Variants in SYN3 observed in about 807,000 individuals in gnomAD.
SYN3 encodes the protein synapsin-3.
Under a neutral mutation model 65.8 loss-of-function variants are expected in SYN3, and 35 were observed. The observed-to-expected ratio is 0.53, with a 90% CI of 0.41 to 0.70. SYN3 has a LOEUF of 0.70. SYN3 is among the 30% of genes least tolerant of loss of function. The pLI is 0.00. For synonymous variants in SYN3, 270 were observed against 292.9 expected, an observed-to-expected ratio of 0.92 and a Z score of 0.80; for missense variants, 680 against 749.0, an observed-to-expected ratio of 0.91 and a Z score of 1.08.
At chr22:32,679,400 T>C (rs1427298910) in intron 6 of SYN3, among the ~76,000 whole-genome samples, 51 of 152,172 alleles carry the variant, frequency 3.4e-4, no homozygotes, top group Admixed American at 3.3e-3. Flanking sequence ...TTGTGTTGCT[T>C]CCATATTTTG....
At chr22:32,810,230 C>A (rs1373203257) in intron 6 of SYN3, among the ~76,000 whole-genome samples, 2 of 152,172 alleles carry the variant, frequency 1.3e-5, no homozygotes, top group Non-Finnish European at 2.9e-5. Context: ...AGAGGGGCCC[C>A]AGAGAACCTT....
intron 7 of SYN3, among the ~76,000 whole-genome samples, chr22:32,572,408 TG>T (rs1190998624): frequency 0.23 from 2,076 of 8,920 alleles, 181 homozygotes; most frequent in African/African-American, 0.42. Flanking sequence ...CCCTCCCTCC[TG>T]TCTTTCCTTC....
At chr22:32,984,077 G>A (rs750119127) in intron 2 of SYN3, among the ~76,000 whole-genome samples, 1 of 148,780 alleles carries the variant, frequency 6.7e-6, no homozygotes, top group Non-Finnish European at 1.5e-5. Flanking sequence ...CAGGAGAATC[G>A]CTTGAACCTG....
intron 7 of SYN3, among the ~76,000 whole-genome samples, chr22:32,590,551 T>TAA (rs2059114156): frequency 6.6e-6 from 1 of 152,248 alleles, no homozygotes; most frequent in East Asian, 1.9e-4. Context: ...CTAAAATAAC[T>TAA]CCTGTGCGAT....
rs2049408988 is a variant in SYN3 at position 32,890,299 on chromosome 22, T to C, written c.462-21174A>G. On this transcript the variant is annotated intron_variant, in intron 4 of 13. Transcript: ENST00000358763. ...CATGCTGCCCAGGCTGGTCTCAAAC[T>C]CCTGGGCTCAAGCAGTCCTCCCACC... Among the ~76,000 whole-genome samples the C allele has an allele frequency of 1.3e-5, 2 of 152,100 alleles. 1 individual carries two copies. The highest frequency in any genetic ancestry group is 4.2e-4 in the South Asian group (2 of 4,818).
chr22:32,524,247 C>T (rs552489447), intron 12 of SYN3, among the ~76,000 whole-genome samples: 1 of 152,268 alleles, frequency 6.6e-6, no homozygotes, highest in South Asian at 2.1e-4. Context: ...GTAGATGGAA[C>T]AGCCTTCTAT....
At chr22:32,767,913 A>T (rs1253676699) in intron 6 of SYN3, among the ~76,000 whole-genome samples, 2 of 152,188 alleles carry the variant, frequency 1.3e-5, no homozygotes, top group African/African-American at 4.8e-5. Flanking sequence ...AAATTTACCT[A>T]GACTCAATTG....
At chr22:32,702,894 C>CTA (rs1199908357) in intron 6 of SYN3, among the ~76,000 whole-genome samples, 3 of 152,120 alleles carry the variant, frequency 2.0e-5, no homozygotes, top group Non-Finnish European at 2.9e-5. Flanking sequence ...AGAATAATAA[C>CTA]AGTAAAAATT....
intron 1 of SYN3, among the ~76,000 whole-genome samples, chr22:33,053,619 A>C (rs1601971596): frequency 6.6e-6 from 1 of 152,170 alleles, no homozygotes; most frequent in East Asian, 1.9e-4. Context: ...CCTGGGAGGA[A>C]CGGGGAAATG....
intron 6 of SYN3, among the ~76,000 whole-genome samples, chr22:32,763,373 G>C (rs906616547): frequency 2.0e-5 from 3 of 151,568 alleles, no homozygotes; most frequent in Non-Finnish European, 4.4e-5. Context: ...GGATGGTCTT[G>C]ATCTCCTGAC....
chr22:32,562,781 T>G (rs1184799516), intron 7 of SYN3, among the ~76,000 whole-genome samples: 3 of 152,278 alleles, frequency 2.0e-5, no homozygotes, highest in Non-Finnish European at 2.9e-5. Context: ...CAATCTTATA[T>G]GGACATTTCA....
chr22:32,824,103 C>T (rs750147200), intron 6 of SYN3, among the ~76,000 whole-genome samples: 1 of 151,824 alleles, frequency 6.6e-6, no homozygotes, highest in African/African-American at 2.4e-5. Context: ...ACGGTGAAAC[C>T]CCATCTCTAC....
chr22:32,924,897 G>A lies in SYN3; in HGVS notation c.461+6493C>T, dbSNP rs899229757. The stretch of plus-strand genomic sequence containing the variant: ...GCTTGAGCTCAGGAGTTCGATACCA[G>A]CTTGGGCAACAGAGCAAGACCCCAT... On this transcript the variant is annotated intron_variant, in intron 4 of 13. Coordinates refer to ENST00000358763, the MANE Select transcript of SYN3 (RefSeq NM_003490.4). 3.9e-5 allele frequency among the ~76,000 whole-genome samples: 6 copies of A among 152,220 alleles called. 1 individual carries two copies. Among genetic ancestry groups the A allele is most frequent in the East Asian group, 1.9e-4 (1 of 5,168 alleles).
intron 2 of SYN3, among the ~76,000 whole-genome samples, chr22:32,995,617 C>T (rs1489278867): frequency 6.6e-6 from 1 of 152,010 alleles, no homozygotes; most frequent in Non-Finnish European, 1.5e-5. Context: ...CAAGGACAGG[C>T]CAAGATGCCC....
At chr22:32,700,395 C>T (rs573386578) in intron 6 of SYN3, among the ~76,000 whole-genome samples, 65 of 152,232 alleles carry the variant, frequency 4.3e-4, no homozygotes, top group Admixed American at 2.8e-3. Flanking sequence ...TGACATAATA[C>T]GGCCCTATTG....
chr22:32,865,613 G>A (rs1011282385), intron 5 of SYN3, among the ~76,000 whole-genome samples: 1 of 152,194 alleles, frequency 6.6e-6, no homozygotes, highest in African/African-American at 2.4e-5. Context: ...TTTCTCTGCT[G>A]TTGCAACCCC....
At chr22:32,742,133 G>A (rs949035308) in intron 6 of SYN3, among the ~76,000 whole-genome samples, 5 of 151,996 alleles carry the variant, frequency 3.3e-5, no homozygotes, top group African/African-American at 9.7e-5. Context: ...AAAATTAGCC[G>A]GGCATGGTGG....
chr22:32,779,929 A>ATGGTGAGG lies in SYN3; in HGVS notation c.711+84978_711+84985dup, dbSNP rs528713600. Among the ~76,000 whole-genome samples the ATGGTGAGG allele has an allele frequency of 1.1e-4, 16 of 152,120 alleles. 1 individual carries two copies. The South Asian group carries it at 3.3e-3, about 32-fold the overall frequency. ...GAGCAGGAACAAAGCGCTCCCTTTT[A>ATGGTGAGG]TGGTGAGGCGGTGCAAACCTCTGCA... On this transcript the variant is annotated intron_variant, in intron 6 of 13. Coordinates refer to ENST00000358763, the MANE Select transcript of SYN3 (RefSeq NM_003490.4).
At chr22:32,964,804 T>A (rs1368864442) in intron 3 of SYN3, among the ~76,000 whole-genome samples, 1 of 152,230 alleles carries the variant, frequency 6.6e-6, no homozygotes, top group Non-Finnish European at 1.5e-5. Flanking sequence ...CAACCCTTGA[T>A]GCCCCATGAC....
Sources: allele counts gnomAD v4.1 joint callset (sites outside exome capture counted in the v4.1 genomes callset), GRCh38; gene constraint gnomAD v4.1.1; transcripts MANE v1.5; gene names NCBI Gene and HGNC (gene_info 2026-07-23, HGNC 2026-07-21).